Variants in CNTN3 observed in about 807,000 individuals in gnomAD.
CNTN3 encodes contactin-3.
CNTN3 carries 60 observed loss-of-function variants against 119.1 expected under a neutral mutation model. The observed-to-expected ratio is 0.50, with a 90% confidence interval of 0.41 to 0.62. The LOEUF is 0.62. Ranked by LOEUF, CNTN3 falls within the 20% of genes least tolerant of loss-of-function variation. CNTN3 has a pLI of 0.00. For missense variants in CNTN3, 1,101 were observed against 1,242.4 expected, an observed-to-expected ratio of 0.89 and a Z score of 1.71; for synonymous variants, 450 against 438.7, an observed-to-expected ratio of 1.03 and a Z score of -0.32.
intron 2 of CNTN3, among the ~76,000 whole-genome samples, chr3:74,504,780 T>G (rs1703224190): frequency 4.9e-5 from 2 of 40,662 alleles, no homozygotes. Context: ...CACAACTCTT[T>G]GTCATTCTCG....
At chr3:74,266,277 C>T (rs886516417) in intron 22 of CNTN3, among the ~76,000 whole-genome samples, 3 of 152,082 alleles carry the variant, frequency 2.0e-5, no homozygotes, top group African/African-American at 7.2e-5. Flanking sequence ...GACATCTTTT[C>T]TTCACACCCT....
chr3:74,312,091 A>G (rs937951666), intron 13 of CNTN3, among the ~76,000 whole-genome samples: 1 of 152,052 alleles, frequency 6.6e-6, no homozygotes, highest in African/African-American at 2.4e-5. Flanking sequence ...AAATCCCCTC[A>G]TGTTTCTGGT....
chr3:74,382,457 C>T (rs753010444), intron 5 of CNTN3, among the ~76,000 whole-genome samples: 4 of 152,050 alleles, frequency 2.6e-5, no homozygotes, highest in Non-Finnish European at 5.9e-5. Context: ...CTCAAAAACA[C>T]GTCCCTCCTA....
intron 18 of CNTN3, among the ~76,000 whole-genome samples, chr3:74,296,142 T>C (rs1702334003): frequency 6.6e-6 from 1 of 152,182 alleles, no homozygotes; most frequent in African/African-American, 2.4e-5. Flanking sequence ...AGAGACACCC[T>C]AGTAGATTTC....
At chr3:74,549,568 G>T (rs1703960826) in intron 1 of CNTN3, among the ~76,000 whole-genome samples, 1 of 151,872 alleles carries the variant, frequency 6.6e-6, no homozygotes, top group Non-Finnish European at 1.5e-5. Flanking sequence ...TTTTTAAATG[G>T]GTTCGGTGAT....
intron 16 of CNTN3, among the ~76,000 whole-genome samples, 199 bp from the exon 17 acceptor site, chr3:74,300,137 C>T (rs528670): frequency 0.36 from 54,667 of 151,858 alleles, 11,300 homozygotes; most frequent in East Asian, 0.72. Flanking sequence ...AACATATTTA[C>T]ATGAAATCAT....
Position 74,285,345 on chromosome 3 carries a change from C to T in CNTN3, c.2664G>A (p.Gly888=), listed in dbSNP as rs200308935. 6.2e-7 allele frequency: 1 copy of T among 1,612,280 alleles called. No homozygotes were observed. The highest frequency in any genetic ancestry group is 8.5e-7 in the Non-Finnish European group (1 of 1,179,262). The change falls in exon 20 of 23, where the codon GGG becomes GGA. Residue 888 remains glycine, a synonymous_variant. Transcript: ENST00000263665. ...TTACATTAACTGTGGCGCTAAAAGG[C>T]CCAGCGCCGGCACTGTTGTAAGCCC... ...AVRAYNSAGA[G]PFSATVNVTT...
Position 74,266,417 on chromosome 3 carries a change from G to T in CNTN3, c.2986+64C>A. 4 of 1,433,580 alleles carry T rather than the reference G, an allele frequency of 2.8e-6. No homozygotes were observed. In the South Asian group the frequency reaches 4.9e-5, roughly 17 times the overall value. The allele number at this position is 1,433,580 out of a possible 1,614,324, so 88.8% of individuals were successfully genotyped here. A position where few individuals can be genotyped will look rare whatever the true frequency, so the allele number is the denominator to read the frequency against. On this transcript the variant is annotated intron_variant, in intron 22 of 22. Transcript: ENST00000263665. ...AAGAATGGACAGAGGGATACTGATT[G>T]ACTCACTATGGCGGATAGTAACACT...
intron 1 of CNTN3, among the ~76,000 whole-genome samples, chr3:74,568,733 T>C (rs779637048): frequency 3.3e-4 from 51 of 152,318 alleles, no homozygotes; most frequent in Admixed American, 7.2e-4. Context: ...CTACCAGTAA[T>C]ACATAGGTGA....
chr3:74,524,332 G>A (rs541861474), intron 1 of CNTN3, among the ~76,000 whole-genome samples: 58 of 151,912 alleles, frequency 3.8e-4, no homozygotes, highest in African/African-American at 1.3e-3. Flanking sequence ...TCAGGAGACT[G>A]ATAATCCCCG....
At chr3:74,346,007 T>C (rs978403464) in intron 11 of CNTN3, among the ~76,000 whole-genome samples, 1 of 152,268 alleles carries the variant, frequency 6.6e-6, no homozygotes, top group Non-Finnish European at 1.5e-5. Flanking sequence ...AACACTGGCA[T>C]ATTTTTTCTC....
chr3:74,551,550 A>T, intron 1 of CNTN3, among the ~76,000 whole-genome samples: 1 of 152,004 alleles, frequency 6.6e-6, no homozygotes, highest in Non-Finnish European at 1.5e-5. Context: ...GATTTGGACC[A>T]ATGTATCCAC....
intron 4 of CNTN3, among the ~76,000 whole-genome samples, chr3:74,435,739 T>C (rs1017284685): frequency 2.0e-5 from 3 of 152,232 alleles, no homozygotes; most frequent in African/African-American, 7.2e-5. Flanking sequence ...TCTAGAAAAC[T>C]GTGGCTGAAA....
At chr3:74,368,731 T>A (rs116269080) in intron 8 of CNTN3, among the ~76,000 whole-genome samples, 2 of 151,118 alleles carry the variant, frequency 1.3e-5, no homozygotes, top group Admixed American at 1.3e-4. Context: ...AGAATAACAC[T>A]GAAGAACTCA....
chr3:74,507,594 T>A (rs1032960517), intron 2 of CNTN3, among the ~76,000 whole-genome samples: 2 of 148,896 alleles, frequency 1.3e-5, no homozygotes, highest in Non-Finnish European at 3.0e-5. Context: ...TACTTCTCCC[T>A]CCCTGTTTCT....
At chr3:74,353,779 T>A (rs887728411) in intron 11 of CNTN3, among the ~76,000 whole-genome samples, 4 of 151,942 alleles carry the variant, frequency 2.6e-5, no homozygotes, top group Admixed American at 2.6e-4. Context: ...ATTAATTAAT[T>A]AAATAAAATA....
rs538877240 is a variant in CNTN3, at chr3:74,313,269, G to A, written c.1669-10462C>T. 1.9e-4 allele frequency among the ~76,000 whole-genome samples: 29 copies of A among 152,000 alleles called. 1 individual carries two copies. Among genetic ancestry groups the A allele is most frequent in the Non-Finnish European group, 3.5e-4 (24 of 67,996 alleles). On this transcript the variant is annotated intron_variant, in intron 13 of 22. Coordinates refer to ENST00000263665, the MANE Select transcript of CNTN3 (RefSeq NM_020872.3). ...GGAAAAAAGCAATTTTTGAAGCAAT[G>A]GTGACTAAGAGTTTCACTCTAATAA... is the stretch of plus-strand genomic sequence containing the variant.
At chr3:74,540,877 ATATT>A (rs1304867677) in intron 1 of CNTN3, among the ~76,000 whole-genome samples, 1 of 152,186 alleles carries the variant, frequency 6.6e-6, no homozygotes, top group Non-Finnish European at 1.5e-5. Context: ...CACAGGCAGT[ATATT>A]TAATTTCTAT....
At chr3:74,392,133 G>C (rs894845008) in intron 5 of CNTN3, among the ~76,000 whole-genome samples, 1 of 152,008 alleles carries the variant, frequency 6.6e-6, no homozygotes, top group Non-Finnish European at 1.5e-5. Context: ...AGGAGACAGA[G>C]GAGAAAAAAA....
Sources: allele counts gnomAD v4.1 joint callset (sites outside exome capture counted in the v4.1 genomes callset), GRCh38; gene constraint gnomAD v4.1.1; transcripts MANE v1.5; gene names NCBI Gene and HGNC (gene_info 2026-07-23, HGNC 2026-07-21).